Variants in KCNK10 observed in about 807,000 individuals in gnomAD.
KCNK10 encodes potassium two pore domain channel subfamily K member 10, also known as potassium channel subfamily K member 10.
Under a neutral mutation model 47.7 loss-of-function variants are expected in KCNK10, and 25 were observed. The observed-to-expected ratio is 0.52, with a 90% CI of 0.38 to 0.73. The LOEUF is 0.73. Among genes scored for constraint, KCNK10 ranks in the 30% least tolerant of loss-of-function variants. The pLI, the probability that KCNK10 is intolerant of heterozygous loss-of-function variation, is 0.00. For missense variants in KCNK10, 563 were observed against 714.5 expected, an observed-to-expected ratio of 0.79 and a Z score of 2.42; for synonymous variants, 303 against 285.6, an observed-to-expected ratio of 1.06 and a Z score of -0.61.
Position 88,323,115 on chromosome 14 carries a change from G to A in KCNK10, c.-317C>T. The A allele has an allele frequency of 8.4e-7, 1 of 1,191,994 alleles. No individual in the cohort carries two copies. The highest frequency in any genetic ancestry group is 3.7e-4 in the Middle Eastern group (1 of 2,722). 73.8% of individuals were successfully genotyped at this position (1,191,994 alleles called of 1,614,324 possible). On this transcript the variant is annotated 5_prime_UTR_variant, in exon 1 of 7. Transcript: ENST00000319231. Reference sequence around the variant, plus strand: ...CTTGGGGAGATGGAAGAGCCAAGCTGCTTCCCAAAAGCGGTGCCGGCAGGT... The same window carrying A: ...CTTGGGGAGATGGAAGAGCCAAGCTACTTCCCAAAAGCGGTGCCGGCAGGT...
chr14:88,188,320 G>C (rs1248010490), intron 5 of KCNK10, among the ~76,000 whole-genome samples: 2 of 151,402 alleles, frequency 1.3e-5, no homozygotes, highest in East Asian at 4.0e-4. Context: ...TACTTCCCTC[G>C]ATTCTTGACC....
chr14:88,315,176 G>C (rs1888405457), intron 1 of KCNK10, among the ~76,000 whole-genome samples: 1 of 152,120 alleles, frequency 6.6e-6, no homozygotes, highest in Non-Finnish European at 1.5e-5. Context: ...TAAGAATGTA[G>C]AGGCCGAAAC....
chr14:88,222,327 C>A (rs1451895135), intron 4 of KCNK10, among the ~76,000 whole-genome samples: 1 of 152,062 alleles, frequency 6.6e-6, no homozygotes, highest in Admixed American at 6.6e-5. Flanking sequence ...ACAGCCAAAC[C>A]ATATTAATGA....
intron 6 of KCNK10, 23 bp downstream of exon 6, chr14:88,187,944 A>G (rs200382689): frequency 1.7e-4 from 276 of 1,613,514 alleles, no homozygotes; most frequent in Admixed American, 1.5e-4. Context: ...AGGAACATTC[A>G]TAGGGTTAGG....
intron 1 of KCNK10, among the ~76,000 whole-genome samples, chr14:88,311,384 C>T (rs1312425962): frequency 2.6e-5 from 4 of 152,168 alleles, no homozygotes; most frequent in African/African-American, 9.7e-5. Flanking sequence ...CCTACATGAC[C>T]TGAGCATCAC....
At chr14:88,279,913 G>T (rs1240428426) in intron 1 of KCNK10, among the ~76,000 whole-genome samples, 2 of 147,970 alleles carry the variant, frequency 1.4e-5, no homozygotes, top group Non-Finnish European at 3.0e-5. Flanking sequence ...TTTATCAGGG[G>T]TTTCCACTTT....
At chr14:88,317,893 A>G (rs1197621820) in intron 1 of KCNK10, among the ~76,000 whole-genome samples, 1 of 152,186 alleles carries the variant, frequency 6.6e-6, no homozygotes, top group East Asian at 1.9e-4. Flanking sequence ...CCACTCCTAG[A>G]GCTTTGCTTC....
chr14:88,199,410 C>T (rs1170634856), intron 4 of KCNK10, among the ~76,000 whole-genome samples: 9 of 152,168 alleles, frequency 5.9e-5, no homozygotes, highest in Non-Finnish European at 2.9e-5. Flanking sequence ...CAGTGGGTTT[C>T]TTGCTAAGGG....
chr14:88,278,808 G>A (rs919584426), intron 1 of KCNK10, among the ~76,000 whole-genome samples: 3 of 152,180 alleles, frequency 2.0e-5, no homozygotes, highest in Non-Finnish European at 2.9e-5. Context: ...CAGAAAGGAG[G>A]AGAAACAAAG....
At chr14:88,204,070 TC>T (rs1159032601) in intron 4 of KCNK10, among the ~76,000 whole-genome samples, 1 of 152,150 alleles carries the variant, frequency 6.6e-6, no homozygotes, top group African/African-American at 2.4e-5. Flanking sequence ...TTCTTTGCAC[TC>T]CCCTGCATTT....
chr14:88,310,959 A>G (rs148712759), intron 1 of KCNK10, among the ~76,000 whole-genome samples: 177 of 152,306 alleles, frequency 1.2e-3, no homozygotes, highest in African/African-American at 4.0e-3. Context: ...TATGCAAATT[A>G]TCACAGAATC....
chr14:88,299,174 C>T (rs1217375801), intron 1 of KCNK10, among the ~76,000 whole-genome samples: 1 of 152,202 alleles, frequency 6.6e-6, no homozygotes, highest in East Asian at 1.9e-4. Flanking sequence ...ACTTTAATTT[C>T]CTTAATATCT....
intron 3 of KCNK10, among the ~76,000 whole-genome samples, chr14:88,230,741 T>TC: frequency 6.6e-6 from 1 of 152,272 alleles, no homozygotes; most frequent in Admixed American, 6.5e-5. Flanking sequence ...ACAAATTATG[T>TC]AGCTGGTCCT....
intron 1 of KCNK10, among the ~76,000 whole-genome samples, chr14:88,278,397 C>T (rs114327648): frequency 6.6e-6 from 1 of 152,298 alleles, no homozygotes; most frequent in Non-Finnish European, 1.5e-5. Context: ...CCACTGTGAA[C>T]ATATTTCCAT....
intron 4 of KCNK10, 22 bp from the exon 5 acceptor site, chr14:88,192,432 G>C: frequency 6.2e-7 from 1 of 1,604,898 alleles, no homozygotes; most frequent in Non-Finnish European, 8.5e-7. Context: ...AAAGGAGAAA[G>C]ATAGGCAAGT....
At chr14:88,313,414 G>T (rs1050656594) in intron 1 of KCNK10, among the ~76,000 whole-genome samples, 8 of 152,192 alleles carry the variant, frequency 5.3e-5, no homozygotes, top group African/African-American at 1.9e-4. Context: ...CGTGGTGGTG[G>T]TAACAATATG....
intron 1 of KCNK10, among the ~76,000 whole-genome samples, chr14:88,267,671 C>A (rs902928342): frequency 6.6e-5 from 10 of 152,194 alleles, no homozygotes; most frequent in African/African-American, 2.4e-4. Context: ...CGCATCCAGC[C>A]AAGTTGGATA....
intron 1 of KCNK10, among the ~76,000 whole-genome samples, chr14:88,311,932 G>C (rs1264815428): frequency 6.6e-6 from 1 of 152,128 alleles, no homozygotes; most frequent in Non-Finnish European, 1.5e-5. Context: ...TTGGCATCCT[G>C]AGACTTTTTC....
intron 4 of KCNK10, among the ~76,000 whole-genome samples, chr14:88,220,168 AG>A (rs1315604864): frequency 6.6e-6 from 1 of 152,188 alleles, no homozygotes; most frequent in African/African-American, 2.4e-5. Context: ...CTGTAATCCC[AG>A]CACTTTGGGA....
Sources: gnomAD v4.1 joint callset for allele counts (sites outside exome capture counted in the v4.1 genomes callset) on GRCh38, gnomAD v4.1.1 for gene constraint, MANE v1.5 for transcripts, NCBI Gene and HGNC (gene_info 2026-07-23, HGNC 2026-07-21) for gene names.